The following LRRTM4 variants were observed in gnomAD, a reference collection of about 807,000 sequenced individuals.
LRRTM4 encodes the protein leucine rich repeat transmembrane neuronal 4, also known as leucine-rich repeat transmembrane neuronal protein 4.
LRRTM4 carries 25 observed loss-of-function variants against 47.6 expected under a neutral mutation model. The observed-to-expected ratio is 0.53, with a 90% confidence interval of 0.38 to 0.73. The LOEUF (loss-of-function observed/expected upper bound fraction) is 0.73, where lower values mean the gene tolerates loss of function less well. Among genes scored for constraint, LRRTM4 ranks in the 30% least tolerant of loss-of-function variants. The pLI is 0.00. For missense variants in LRRTM4, 638 were observed against 713.4 expected (o/e 0.89, Z 1.20); for synonymous variants, 311 against 269.5 (o/e 1.15, Z -1.51).
At position 77,446,801 on chromosome 2, in the gene LRRTM4, T is replaced by C. The variant is rs140401778; in HGVS notation, c.1551+71517A>G. 5.0e-3 allele frequency among the ~76,000 whole-genome samples: 760 copies of C among 152,182 alleles called. 5 individuals carry two copies. The highest frequency in any genetic ancestry group is 0.018 in the African/African-American group (745 of 41,538). ...ACTCTGGCCATCTCTAATCCCAGAT[T>C]TGGTGAAGTCTGCCATTACCCTCTA... On this transcript the variant is annotated intron_variant, in intron 3 of 3. Transcript: ENST00000409884.
At chr2:76,812,692 TTTC>T (rs1321322737) in intron 3 of LRRTM4, among the ~76,000 whole-genome samples, 2 of 149,900 alleles carry the variant, frequency 1.3e-5, no homozygotes, top group Non-Finnish European at 3.0e-5. Context: ...TCTTTCTTTC[TTTC>T]TTTTCTTTCT....
chr2:76,859,358 AC>A (rs1452853886), intron 3 of LRRTM4, among the ~76,000 whole-genome samples: 4 of 152,148 alleles, frequency 2.6e-5, no homozygotes, highest in Non-Finnish European at 5.9e-5. Flanking sequence ...TTTGAGAAAT[AC>A]AGTGTATGAT....
chr2:76,767,392 C>T (rs1342755072), intron 3 of LRRTM4, among the ~76,000 whole-genome samples: 1 of 152,168 alleles, frequency 6.6e-6, no homozygotes, highest in East Asian at 1.9e-4. Context: ...TTAGTGTTCA[C>T]AGCAATGCTA....
At chr2:77,495,128 A>G (rs6749867) in intron 3 of LRRTM4, among the ~76,000 whole-genome samples, 50,263 of 151,872 alleles carry the variant, frequency 0.33, 8,491 homozygotes, top group Middle Eastern at 0.35. Context: ...AAGTCTTTGT[A>G]TGGGCATATG....
At chr2:77,068,551 A>C (rs1680037755) in intron 3 of LRRTM4, among the ~76,000 whole-genome samples, 1 of 152,212 alleles carries the variant, frequency 6.6e-6, no homozygotes, top group South Asian at 2.1e-4. Flanking sequence ...AACTGAATTT[A>C]TACAATATGT....
chr2:77,390,422 A>G (rs941819793), intron 3 of LRRTM4, among the ~76,000 whole-genome samples: 3 of 152,072 alleles, frequency 2.0e-5, no homozygotes, highest in African/African-American at 7.2e-5. Flanking sequence ...TTTTGTTACC[A>G]AAAGTACTGA....
intron 3 of LRRTM4, among the ~76,000 whole-genome samples, chr2:77,293,270 G>T (rs1012395574): frequency 6.6e-6 from 1 of 152,046 alleles, no homozygotes; most frequent in African/African-American, 2.4e-5. Flanking sequence ...CATTTGTTGA[G>T]AACTTATTTT....
intron 3 of LRRTM4, among the ~76,000 whole-genome samples, chr2:76,812,672 G>A (rs902190447): frequency 7.2e-5 from 6 of 83,316 alleles, no homozygotes; most frequent in Non-Finnish European, 1.4e-4. Flanking sequence ...TTACAAATAA[G>A]CTCTTTCTTT....
chr2:77,506,337 A>T (rs947408502), intron 3 of LRRTM4, among the ~76,000 whole-genome samples: 1 of 151,746 alleles, frequency 6.6e-6, no homozygotes, highest in African/African-American at 2.4e-5. Context: ...AATGATTAAG[A>T]CATAGTAAAT....
chr2:77,402,068 T>C (rs77700100), intron 3 of LRRTM4, among the ~76,000 whole-genome samples: 2,549 of 152,122 alleles, frequency 0.017, 62 homozygotes, highest in African/African-American at 0.054. Context: ...TTTAATCATA[T>C]GATAATTCTA....
At chr2:76,943,405 C>G (rs1374539252) in intron 3 of LRRTM4, among the ~76,000 whole-genome samples, 1 of 152,132 alleles carries the variant, frequency 6.6e-6, no homozygotes, top group East Asian at 1.9e-4. Context: ...CACTGCACCC[C>G]CGCCTGGCAA....
chr2:76,778,204 T>C (rs1277253142), intron 3 of LRRTM4, among the ~76,000 whole-genome samples: 15 of 135,646 alleles, frequency 1.1e-4, no homozygotes, highest in Non-Finnish European at 1.4e-4. Context: ...TCATCAAGGA[T>C]ATTGGTCTAA....
At chr2:77,240,260 A>T (rs1675220553) in intron 3 of LRRTM4, among the ~76,000 whole-genome samples, 1 of 151,940 alleles carries the variant, frequency 6.6e-6, no homozygotes, top group Admixed American at 6.6e-5. Flanking sequence ...AATATATCAA[A>T]ATTAGTGGAT....
At chr2:76,912,834 A>G (rs902030945) in intron 3 of LRRTM4, among the ~76,000 whole-genome samples, 15 of 152,168 alleles carry the variant, frequency 9.9e-5, no homozygotes, top group African/African-American at 3.1e-4. Flanking sequence ...TGTGCTGGCC[A>G]TGTGAGGTGC....
At chr2:77,045,726 C>T (rs1383018632) in intron 3 of LRRTM4, among the ~76,000 whole-genome samples, 1 of 151,950 alleles carries the variant, frequency 6.6e-6, no homozygotes, top group Non-Finnish European at 1.5e-5. Flanking sequence ...GAGGCTTCTC[C>T]AGCCACATGG....
chr2:77,421,423 C>T (rs1674877524), intron 3 of LRRTM4, among the ~76,000 whole-genome samples: 1 of 152,070 alleles, frequency 6.6e-6, no homozygotes, highest in Non-Finnish European at 1.5e-5. Context: ...AAGGAAGAGT[C>T]CAGGCCGGGC....
At chr2:76,921,431 A>T (rs1302637346) in intron 3 of LRRTM4, among the ~76,000 whole-genome samples, 1 of 152,050 alleles carries the variant, frequency 6.6e-6, no homozygotes, top group Non-Finnish European at 1.5e-5. Context: ...AGATTTCTCT[A>T]CTGTGAAGTT....
chr2:76,808,206 G>C (rs921755058), intron 3 of LRRTM4, among the ~76,000 whole-genome samples: 1 of 151,708 alleles, frequency 6.6e-6, no homozygotes, highest in East Asian at 2.0e-4. Flanking sequence ...TTTTAGTAGA[G>C]ACAGGATTTC....
chr2:76,899,216 G>T (rs77874225), intron 3 of LRRTM4, among the ~76,000 whole-genome samples: 12,679 of 151,550 alleles, frequency 0.084, 884 homozygotes, highest in East Asian at 0.37. Context: ...AATATATATA[G>T]AGAGAGATGC....
Sources: gnomAD v4.1 joint callset for allele counts (sites outside exome capture counted in the v4.1 genomes callset) on GRCh38, gnomAD v4.1.1 for gene constraint, MANE v1.5 for transcripts, NCBI Gene and HGNC (gene_info 2026-07-23, HGNC 2026-07-21) for gene names.